Variants in XKR9 observed in about 807,000 individuals in gnomAD.
The protein encoded by XKR9 is XK-related protein 9.
A neutral mutation model predicts 32.0 loss-of-function variants in XKR9; 32 were observed. The observed-to-expected ratio is 1.00, with a 90% CI of 0.76 to 1.34. The LOEUF is 1.34. Ranked by LOEUF, XKR9 falls within the 40% of genes most tolerant of loss-of-function variation. The probability of loss-of-function intolerance (pLI) is 0.00; values close to 1 mark genes in which losing one functional copy is unlikely to be tolerated. For synonymous variants in XKR9, 168 were observed against 143.4 expected (o/e 1.17, Z -1.22); for missense variants, 546 against 429.7 (o/e 1.27, Z -2.39).
At chr8:70,767,856 T>C (rs186199339) in intron 2 of XKR9, among the ~76,000 whole-genome samples, 45 of 152,218 alleles carry the variant, frequency 3.0e-4, no homozygotes, top group Admixed American at 6.5e-5. Context: ...TCTATTTTGT[T>C]AATCTTTTCA....
the XKR9 span, among the ~76,000 whole-genome samples, chr8:71,058,982 T>A: frequency 6.6e-6 from 1 of 152,222 alleles, no homozygotes. Context: ...AATTGCCAAA[T>A]AAACTAAAAA....
chr8:70,834,043 A>G, the XKR9 span, among the ~76,000 whole-genome samples: 1 of 152,136 alleles, frequency 6.6e-6, no homozygotes, highest in Non-Finnish European at 1.5e-5. Flanking sequence ...GAATATTACT[A>G]AAGACGGTCC....
At chr8:71,003,455 T>A in the XKR9 span, among the ~76,000 whole-genome samples, 5 of 152,218 alleles carry the variant, frequency 3.3e-5, no homozygotes, top group African/African-American at 1.2e-4. Flanking sequence ...TCTTTTTTTT[T>A]TCTTTTTCAA....
the XKR9 span, among the ~76,000 whole-genome samples, chr8:70,997,619 G>A: frequency 2.0e-5 from 3 of 152,014 alleles, no homozygotes; most frequent in African/African-American, 7.2e-5. Flanking sequence ...GGGGGAAAGG[G>A]TGGGAGGGGG....
At chr8:70,814,029 A>T in the XKR9 span, among the ~76,000 whole-genome samples, 1 of 152,184 alleles carries the variant, frequency 6.6e-6, no homozygotes, top group African/African-American at 2.4e-5. Context: ...AATAGCAAAG[A>T]CTTGGAACCA....
chr8:70,669,443 G>T lies in XKR9; in HGVS notation c.-456G>T, dbSNP rs1273305767. ...GCTGGAATCTGCCTCTGTCACGGGGGCTGGTGCCTCACGGGTTTGTGTCCT... is the reference window on the plus strand; with the variant it reads ...GCTGGAATCTGCCTCTGTCACGGGGTCTGGTGCCTCACGGGTTTGTGTCCT... On this transcript the variant is annotated 5_prime_UTR_variant, in exon 1 of 5. Transcript: ENST00000408926. The T allele has an allele frequency of 5.9e-6, 2 of 336,992 alleles. No individual in the cohort carries two copies. The highest frequency in any genetic ancestry group is 1.1e-5 in the Non-Finnish European group (2 of 180,806). The allele number at this position is 336,992 out of a possible 1,614,324, so 20.9% of individuals were successfully genotyped here.
intron 2 of XKR9, among the ~76,000 whole-genome samples, chr8:70,783,858 T>C (rs944143321): frequency 2.0e-5 from 3 of 152,210 alleles, no homozygotes; most frequent in African/African-American, 4.8e-5. Context: ...TGTAAGTCTT[T>C]AATCCATTTT....
rs540639557 is a variant in XKR9, at chr8:70,770,517, G to C, written n.353-18822G>C. ...GTCTGCTGAAGCTGCACCCACAGCC[G>C]CATCTTCCTCCAGGTGCTCTGTCCC... On this transcript the variant is annotated intron_variant and non_coding_transcript_variant, in intron 2 of 3. Transcript: ENST00000520273. Among the ~76,000 whole-genome samples the C allele has an allele frequency of 3.3e-5, 5 of 152,204 alleles. No individual in the cohort carries two copies. In the South Asian group the frequency reaches 8.3e-4, roughly 25 times the overall value.
the XKR9 span, among the ~76,000 whole-genome samples, chr8:70,902,100 T>C: frequency 6.6e-6 from 1 of 152,342 alleles, no homozygotes; most frequent in Non-Finnish European, 1.5e-5. Flanking sequence ...ACCTCCAGCT[T>C]TGTTCTTTTT....
chr8:70,815,770 C>T, the XKR9 span, among the ~76,000 whole-genome samples: 3 of 152,040 alleles, frequency 2.0e-5, no homozygotes, highest in African/African-American at 7.2e-5. Flanking sequence ...TGTGATCCAC[C>T]CACCTCAGCC....
intron 4 of XKR9, among the ~76,000 whole-genome samples, chr8:70,710,808 T>A (rs1310739021): frequency 6.6e-6 from 1 of 152,104 alleles, no homozygotes; most frequent in Non-Finnish European, 1.5e-5. Context: ...AAAGAGCTTC[T>A]GCATGGCAAA....
the XKR9 span, among the ~76,000 whole-genome samples, chr8:70,933,733 A>C: frequency 1.3e-5 from 2 of 152,008 alleles, no homozygotes; most frequent in Non-Finnish European, 2.9e-5. Flanking sequence ...GGGCCCAGAA[A>C]TAGTTATTTT....
At chr8:70,987,227 C>T in the XKR9 span, among the ~76,000 whole-genome samples, 1 of 152,144 alleles carries the variant, frequency 6.6e-6, no homozygotes, top group Non-Finnish European at 1.5e-5. Flanking sequence ...ATCATGCCTT[C>T]CCAACAATCC....
the XKR9 span, among the ~76,000 whole-genome samples, chr8:70,813,966 T>A: frequency 1.3e-5 from 2 of 152,202 alleles, no homozygotes; most frequent in African/African-American, 4.8e-5. Flanking sequence ...GGATTATAAA[T>A]CATGCTGCTA....
At chr8:70,763,139 G>A (rs1309663777) in intron 2 of XKR9, among the ~76,000 whole-genome samples, 2 of 151,524 alleles carry the variant, frequency 1.3e-5, no homozygotes, top group African/African-American at 2.4e-5. Context: ...GATGAAAAGA[G>A]GGAAAACTGT....
the XKR9 span, among the ~76,000 whole-genome samples, chr8:70,904,961 T>C: frequency 6.6e-6 from 1 of 152,266 alleles, no homozygotes; most frequent in Admixed American, 6.5e-5. Context: ...CACTCTCTTC[T>C]GGCTTGTAGA....
chr8:70,905,900 C>T, the XKR9 span, among the ~76,000 whole-genome samples: 3 of 152,224 alleles, frequency 2.0e-5, no homozygotes, highest in Admixed American at 2.0e-4. Flanking sequence ...CCACTCCAGA[C>T]CCTGTTTGCC....
At position 70,734,025 on chromosome 8, in the gene XKR9, A is replaced by G. The variant is rs775439761; in HGVS notation, c.723A>G (p.Leu241=). 8.7e-6 allele frequency: 14 copies of G among 1,612,978 alleles called. No homozygotes were observed. The highest frequency in any genetic ancestry group is 1.7e-4 in the Middle Eastern group (1 of 6,050). ...ALFLLLFLWL[L]GIIWAFKNNT... is the part of the protein sequence containing the mutation. ...TTCTGTTGTTATTTCTTTGGTTGTTAGGTATAATATGGGCATTTAAAAACA... is the reference window on the plus strand; with the variant it reads ...TTCTGTTGTTATTTCTTTGGTTGTTGGGTATAATATGGGCATTTAAAAACA... The change falls in exon 5 of 5, where the codon TTA becomes TTG. Residue 241 remains leucine, a synonymous_variant. Coordinates refer to ENST00000408926, the MANE Select transcript of XKR9 (RefSeq NM_001011720.2).
the XKR9 span, among the ~76,000 whole-genome samples, chr8:70,890,313 T>C: frequency 1.3e-5 from 2 of 152,026 alleles, no homozygotes; most frequent in African/African-American, 4.8e-5. Flanking sequence ...TTCTTTTGTC[T>C]AATTGCTGTG....
Sources: allele counts gnomAD v4.1 joint callset (sites outside exome capture counted in the v4.1 genomes callset), GRCh38; gene constraint gnomAD v4.1.1; transcripts MANE v1.5; gene names NCBI Gene and HGNC (gene_info 2026-07-23, HGNC 2026-07-21).